The following CSMD1 variants were observed in gnomAD, a reference collection of about 807,000 sequenced individuals.
CSMD1 encodes CUB and Sushi multiple domains 1.
Under a neutral mutation model 417.5 loss-of-function variants are expected in CSMD1, and 213 were observed. That is an observed-to-expected ratio of 0.51 (90% CI 0.46 to 0.57). CSMD1 has a LOEUF of 0.57. Ranked by LOEUF, CSMD1 falls within the 20% of genes least tolerant of loss-of-function variation. The probability of loss-of-function intolerance (pLI) is 0.00; values close to 1 mark genes in which losing one functional copy is unlikely to be tolerated. For missense variants in CSMD1, 6,923 were observed against 4,529.7 expected, an observed-to-expected ratio of 1.53 and a Z score of -15.17; for synonymous variants, 2,862 against 1,736.8, an observed-to-expected ratio of 1.65 and a Z score of -16.11.
intron 54 of CSMD1, among the ~76,000 whole-genome samples, chr8:2,995,141 C>A (rs933789906): frequency 1.3e-5 from 2 of 152,094 alleles, no homozygotes; most frequent in African/African-American, 4.8e-5. Flanking sequence ...GAATCATATA[C>A]CTGACAAATG....
intron 3 of CSMD1, among the ~76,000 whole-genome samples, chr8:4,369,323 T>C (rs1310715674): frequency 1.3e-5 from 2 of 151,850 alleles, no homozygotes; most frequent in Admixed American, 6.6e-5. Flanking sequence ...ATGAATTGAA[T>C]TTTTTTTTAA....
intron 54 of CSMD1, among the ~76,000 whole-genome samples, chr8:2,994,965 G>C (rs944178703): frequency 1.3e-5 from 2 of 152,128 alleles, no homozygotes; most frequent in South Asian, 2.1e-4. Flanking sequence ...CAAAGTGATA[G>C]ACAAAATAGA....
intron 41 of CSMD1, among the ~76,000 whole-genome samples, chr8:3,118,972 A>T (rs894012575): frequency 6.6e-6 from 1 of 152,274 alleles, no homozygotes; most frequent in Admixed American, 6.5e-5. Context: ...CGAGGTCAGG[A>T]GATCAAGACC....
In CSMD1 at chr8:4,991,096, T is replaced by C. The variant is rs146268007; in HGVS notation, c.85+3236A>G. ...TTGTCTGCAAATACCTGCATTCTCA[T>C]GGCTGCACATATGCAAGAAACAACT... On this transcript the variant is annotated intron_variant, in intron 1 of 69. Transcript: ENST00000635120. Among the ~76,000 whole-genome samples the C allele has an allele frequency of 1.3e-3, 200 of 152,278 alleles. 1 individual carries two copies. The highest frequency in any genetic ancestry group is 4.4e-3 in the African/African-American group (182 of 41,566).
chr8:3,804,612 T>G (rs978038702), intron 5 of CSMD1, among the ~76,000 whole-genome samples: 1 of 152,242 alleles, frequency 6.6e-6, no homozygotes, highest in African/African-American at 2.4e-5. Context: ...TCTTTTTCAT[T>G]TAAAAAATCA....
intron 1 of CSMD1, among the ~76,000 whole-genome samples, chr8:4,912,776 C>A (rs1028040370): frequency 3.5e-5 from 5 of 144,552 alleles, no homozygotes; most frequent in Admixed American, 2.8e-4. Context: ...AAATGACATA[C>A]AGCACCAGCT....
At chr8:4,132,342 C>T (rs574583368) in intron 3 of CSMD1, among the ~76,000 whole-genome samples, 1 of 151,856 alleles carries the variant, frequency 6.6e-6, no homozygotes, top group Non-Finnish European at 1.5e-5. Context: ...TATAAATGTC[C>T]TTTTCTGTAT....
chr8:3,878,997 A>G (rs917031272), intron 5 of CSMD1, among the ~76,000 whole-genome samples: 4 of 152,184 alleles, frequency 2.6e-5, no homozygotes, highest in Admixed American at 2.0e-4. Context: ...AAAAAATAAT[A>G]TATTAGTACT....
At chr8:3,201,044 C>T (rs1245662240) in intron 32 of CSMD1, among the ~76,000 whole-genome samples, 16 of 152,008 alleles carry the variant, frequency 1.1e-4, no homozygotes, top group Non-Finnish European at 2.4e-4. Flanking sequence ...GGGTGCATAC[C>T]GTGTTTGTTA....
intron 3 of CSMD1, among the ~76,000 whole-genome samples, chr8:4,181,722 C>T (rs972708844): frequency 7.3e-6 from 1 of 137,738 alleles, no homozygotes; most frequent in African/African-American, 2.8e-5. Flanking sequence ...CTCAGAAATT[C>T]TAAACATAAA....
intron 10 of CSMD1, among the ~76,000 whole-genome samples, chr8:3,568,653 G>C (rs1015479793): frequency 6.6e-6 from 1 of 151,900 alleles, no homozygotes; most frequent in Non-Finnish European, 1.5e-5. Context: ...TTTTAACTTA[G>C]AACACACACC....
intron 11 of CSMD1, among the ~76,000 whole-genome samples, chr8:3,486,401 G>C (rs1818037536): frequency 6.6e-6 from 1 of 152,292 alleles, no homozygotes; most frequent in Non-Finnish European, 1.5e-5. Flanking sequence ...CCCCAAAATA[G>C]TAGCATCCTT....
chr8:3,438,063 G>C (rs1814691622), intron 12 of CSMD1, among the ~76,000 whole-genome samples: 1 of 152,140 alleles, frequency 6.6e-6, no homozygotes, highest in Non-Finnish European at 1.5e-5. Context: ...AGTATCCATA[G>C]AATTTACCCA....
intron 41 of CSMD1, among the ~76,000 whole-genome samples, chr8:3,141,788 C>T (rs1585457669): frequency 2.3e-5 from 3 of 132,704 alleles, no homozygotes; most frequent in East Asian, 4.6e-4. Flanking sequence ...AAGCCCCTGC[C>T]CGCCAAATTA....
In CSMD1 at chr8:4,286,845, T is replaced by G. The variant is rs552790628; in HGVS notation, c.415+133108A>C. On this transcript the variant is annotated intron_variant, in intron 3 of 69. Transcript: ENST00000635120. ...TTCAGTTGCTGTTGCTGTTTGTTAT[T>G]AGGAGATGTGCACTAATTACACTTG... is the stretch of plus-strand genomic sequence containing the variant. Among the ~76,000 whole-genome samples the G allele has an allele frequency of 9.8e-5, 15 of 152,342 alleles. No individual in the cohort carries two copies. The East Asian group carries it at 2.5e-3, about 25-fold the overall frequency.
At chr8:3,964,559 G>A (rs1812547407) in intron 5 of CSMD1, among the ~76,000 whole-genome samples, 2 of 152,104 alleles carry the variant, frequency 1.3e-5, no homozygotes, top group Admixed American at 1.3e-4. Flanking sequence ...TAAATACACT[G>A]GAGAAGTCTT....
chr8:4,929,785 G>T (rs1010906288), intron 1 of CSMD1, among the ~76,000 whole-genome samples: 2 of 152,144 alleles, frequency 1.3e-5, no homozygotes, highest in African/African-American at 4.8e-5. Flanking sequence ...ATGATGGTGG[G>T]AGAGAGAATT....
At chr8:4,499,925 GA>G (rs1420902337) in intron 2 of CSMD1, among the ~76,000 whole-genome samples, 1 of 152,140 alleles carries the variant, frequency 6.6e-6, no homozygotes, top group East Asian at 1.9e-4. Flanking sequence ...TGAGATGTGA[GA>G]ATAAATTATC....
intron 3 of CSMD1, among the ~76,000 whole-genome samples, chr8:4,190,207 T>A (rs1714784): frequency 1.4e-5 from 2 of 146,986 alleles, no homozygotes; most frequent in South Asian, 4.4e-4. Context: ...TGCAGTGAGC[T>A]GAGATCGAGT....
Sources: gnomAD v4.1 joint callset for allele counts (sites outside exome capture counted in the v4.1 genomes callset) on GRCh38, gnomAD v4.1.1 for gene constraint, MANE v1.5 for transcripts, NCBI Gene and HGNC (gene_info 2026-07-23, HGNC 2026-07-21) for gene names.